The following NBEA variants were observed in gnomAD, a reference collection of about 807,000 sequenced individuals.
NBEA encodes the protein neurobeachin, also known as lysosomal-trafficking regulator 2.
In NBEA, 44 loss-of-function variants were observed where a neutral mutation model predicts 343.4. The observed-to-expected ratio is 0.13, with a 90% CI of 0.10 to 0.16. The LOEUF is 0.16. Ranked by LOEUF, NBEA falls within the 10% of genes least tolerant of loss-of-function variation. The probability of loss-of-function intolerance (pLI) is 1.00; values close to 1 mark genes in which losing one functional copy is unlikely to be tolerated. For synonymous variants in NBEA, 1,175 were observed against 1,238.7 expected, an observed-to-expected ratio of 0.95 and a Z score of 1.08; for missense variants, 2,555 against 3,631.3, an observed-to-expected ratio of 0.70 and a Z score of 7.62.
Position 35,089,821 on chromosome 13 carries a change from A to G in NBEA, c.1572-8476A>G, listed in dbSNP as rs1438387765. 1.3e-4 allele frequency among the ~76,000 whole-genome samples: 19 copies of G among 149,054 alleles called. No homozygotes were observed. In the East Asian group the frequency reaches 2.6e-3, roughly 20 times the overall value. ...AAACTATCACAAGAACAAAAAACCA[A>G]ACACCGCATATTCTCACTCATAGGT... On this transcript the variant is annotated intron_variant, in intron 10 of 58. Transcript: ENST00000379939.
In NBEA at chr13:35,655,769, T is replaced by A; in HGVS notation, c.8362+20T>A. ...ACAGCAGTGAGTGTTTGTATCAAAT[T>A]TGTCCTATCAAACTATAGTTTATTT... On this transcript the variant is annotated intron_variant, in intron 55 of 58. Transcript: ENST00000379939. The A allele has an allele frequency of 6.3e-7, 1 of 1,595,764 alleles. No individual in the cohort carries two copies. The highest frequency in any genetic ancestry group is 1.1e-5 in the South Asian group (1 of 88,396).
chr13:35,643,225 C>G (rs1183859759), intron 49 of NBEA, among the ~76,000 whole-genome samples: 1 of 151,966 alleles, frequency 6.6e-6, no homozygotes, highest in African/African-American at 2.4e-5. Context: ...TTCCAAAAGT[C>G]TCTTTCCTAA....
intron 38 of NBEA, among the ~76,000 whole-genome samples, chr13:35,408,384 G>A (rs1336605307): frequency 3.3e-5 from 5 of 152,166 alleles, no homozygotes; most frequent in Admixed American, 6.6e-5. Flanking sequence ...AGACTTAAAT[G>A]TAAAACCCAA....
intron 48 of NBEA, among the ~76,000 whole-genome samples, chr13:35,621,163 G>A (rs1304366984): frequency 6.6e-6 from 1 of 152,090 alleles, no homozygotes; most frequent in Non-Finnish European, 1.5e-5. Context: ...AGTAATCTGG[G>A]GCAGGAGAGA....
chr13:35,362,347 T>A (rs2040854411), intron 38 of NBEA, among the ~76,000 whole-genome samples: 1 of 151,976 alleles, frequency 6.6e-6, no homozygotes, highest in Non-Finnish European at 1.5e-5. Flanking sequence ...TATATATGTG[T>A]GTGTATGTGT....
At chr13:35,275,643 TAAAC>T (rs1191161892) in intron 34 of NBEA, among the ~76,000 whole-genome samples, 1 of 151,848 alleles carries the variant, frequency 6.6e-6, no homozygotes, top group African/African-American at 2.4e-5. Context: ...ACAAAGAACT[TAAAC>T]AAATTTACAA....
chr13:35,582,867 C>G (rs9565388), intron 45 of NBEA, among the ~76,000 whole-genome samples: 20,071 of 152,118 alleles, frequency 0.13, 1,443 homozygotes, highest in East Asian at 0.28. Flanking sequence ...TCTTGTGTAA[C>G]ATTATGTGTC....
intron 40 of NBEA, among the ~76,000 whole-genome samples, chr13:35,454,596 C>T (rs1337272324): frequency 6.6e-6 from 1 of 152,160 alleles, no homozygotes; most frequent in African/African-American, 2.4e-5. Flanking sequence ...AGTGGTTGCT[C>T]ACACCTGTAA....
At chr13:35,604,928 C>A (rs1394731363) in intron 47 of NBEA, among the ~76,000 whole-genome samples, 1 of 152,154 alleles carries the variant, frequency 6.6e-6, no homozygotes, top group Non-Finnish European at 1.5e-5. Flanking sequence ...CCTTCTTCCT[C>A]AGCTGCTATT....
At chr13:35,323,294 G>C (rs1291059942) in intron 36 of NBEA, among the ~76,000 whole-genome samples, 2 of 152,006 alleles carry the variant, frequency 1.3e-5, no homozygotes, top group African/African-American at 4.8e-5. Context: ...ATTCACAATA[G>C]CAAAGACTTG....
At chr13:35,380,423 C>G (rs2041957236) in intron 38 of NBEA, among the ~76,000 whole-genome samples, 1 of 151,790 alleles carries the variant, frequency 6.6e-6, no homozygotes, top group Admixed American at 6.6e-5. Flanking sequence ...CCAGCCTGGG[C>G]AAGACAGAGT....
intron 34 of NBEA, among the ~76,000 whole-genome samples, chr13:35,246,546 CTT>C (rs1197437289): frequency 6.6e-6 from 1 of 152,094 alleles, no homozygotes; most frequent in Non-Finnish European, 1.5e-5. Flanking sequence ...TGTAGTGACT[CTT>C]TTTTCCCTCT....
intron 41 of NBEA, among the ~76,000 whole-genome samples, chr13:35,540,929 C>T (rs1406129370): frequency 6.6e-6 from 1 of 152,138 alleles, no homozygotes; most frequent in East Asian, 1.9e-4. Flanking sequence ...CAGTATTGCA[C>T]TTCTCTAGTC....
At chr13:35,589,713 G>T (rs548196535) in intron 46 of NBEA, among the ~76,000 whole-genome samples, 55 of 152,112 alleles carry the variant, frequency 3.6e-4, no homozygotes, top group Non-Finnish European at 6.0e-4. Context: ...GGAATTAGTT[G>T]ATCTGTAATC....
chr13:35,303,123 ATCT>A (rs754805834), intron 35 of NBEA, among the ~76,000 whole-genome samples: 8 of 152,262 alleles, frequency 5.3e-5, no homozygotes, highest in African/African-American at 1.2e-4. Context: ...GAACAAAAAA[ATCT>A]TCTTTACATT....
chr13:35,443,684 A>G (rs1276262835), intron 39 of NBEA, among the ~76,000 whole-genome samples: 3 of 151,988 alleles, frequency 2.0e-5, no homozygotes, highest in Non-Finnish European at 4.4e-5. Context: ...CTTTCATAAA[A>G]TAATTTTATA....
At chr13:35,465,125 TAC>T (rs762641740) in intron 40 of NBEA, among the ~76,000 whole-genome samples, 12 of 152,136 alleles carry the variant, frequency 7.9e-5, no homozygotes, top group East Asian at 3.8e-4. Context: ...TTCTCTAAAA[TAC>T]AGTTATCTTT....
chr13:35,400,593 G>GA (rs1390092990), intron 38 of NBEA, among the ~76,000 whole-genome samples: 1 of 152,018 alleles, frequency 6.6e-6, no homozygotes, highest in African/African-American at 2.4e-5. Flanking sequence ...CAAGATGATA[G>GA]AAAAATACTT....
chr13:35,652,692 T>C (rs1339075997), intron 53 of NBEA, among the ~76,000 whole-genome samples: 67 of 82,592 alleles, frequency 8.1e-4, no homozygotes, highest in African/African-American at 2.2e-3. Context: ...GGCAGTCTTT[T>C]TTTTTTTTTT....
Sources: gnomAD v4.1 joint callset for allele counts (sites outside exome capture counted in the v4.1 genomes callset) on GRCh38, gnomAD v4.1.1 for gene constraint, MANE v1.5 for transcripts, NCBI Gene and HGNC (gene_info 2026-07-23, HGNC 2026-07-21) for gene names.